The following OTUB2 variants were observed in gnomAD, a reference collection of about 807,000 sequenced individuals.
The protein encoded by OTUB2 is ubiquitin thioesterase OTUB2.
In OTUB2, 21 loss-of-function variants were observed where a neutral mutation model predicts 25.1. The ratio of observed to expected loss-of-function variants is 0.84; its 90% CI spans 0.59 to 1.21. The LOEUF (loss-of-function observed/expected upper bound fraction) is 1.21. OTUB2 is among the 50% of genes most tolerant of loss of function. OTUB2 has a pLI of 0.00. For synonymous variants in OTUB2, 122 were observed against 122.8 expected, an observed-to-expected ratio of 0.99 and a Z score of 0.04; for missense variants, 283 against 298.0, an observed-to-expected ratio of 0.95 and a Z score of 0.37.
At position 94,038,958 on chromosome 14, in the gene OTUB2, C is replaced by T. The variant is rs1365906557; in HGVS notation, c.100-5C>T. On this transcript the variant is annotated splice_region_variant and splice_polypyrimidine_tract_variant and intron_variant, in intron 2 of 5. Coordinates refer to ENST00000203664, the MANE Select transcript of OTUB2 (RefSeq NM_023112.4). ...AATGCCCACATTTCTTTCTGTCCCC[C>T]TCAGGAACTCAGCAAAAGGTTCACC... 3.7e-6 allele frequency: 6 copies of T among 1,613,818 alleles called. No individual in the cohort carries two copies. In the South Asian group the frequency reaches 5.5e-5, roughly 15 times the overall value.
intron 1 of OTUB2, among the ~76,000 whole-genome samples, chr14:94,030,330 C>T (rs959472170): frequency 1.4e-5 from 2 of 146,892 alleles, no homozygotes; most frequent in Admixed American, 6.8e-5. Context: ...GGATGGGGAG[C>T]TGGAGAAGCC....
In OTUB2 at chr14:94,046,046, A is replaced by C; in HGVS notation, c.*124A>C. 2.6e-6 allele frequency: 3 copies of C among 1,140,958 alleles called. No individual in the cohort carries two copies. The South Asian group carries it at 4.2e-5, about 16-fold the overall frequency. 70.7% of individuals were successfully genotyped at this position (1,140,958 alleles called of 1,614,324 possible). A position where few individuals can be genotyped will look rare whatever the true frequency, so the allele number is the denominator to read the frequency against. On this transcript the variant is annotated 3_prime_UTR_variant, in exon 6 of 6. Transcript: ENST00000203664. ...CAAGAAAATGTGCAGCCTTTTGGGC[A>C]AAGCCCCTGGGAACGAGGCCTATCC... is the stretch of plus-strand genomic sequence containing the variant.
chr14:94,037,181 G>A (rs10138600), intron 1 of OTUB2, among the ~76,000 whole-genome samples, 199 bp from the exon 2 acceptor site: 23,715 of 152,080 alleles, frequency 0.16, 2,234 homozygotes, highest in African/African-American at 0.26. Context: ...CGATGGCCCC[G>A]ACCCTGACTA....
At position 94,045,923 on chromosome 14, in the gene OTUB2, TTAA is replaced by T. The variant is rs1381757815; in HGVS notation, c.*3_*5del. The T allele has an allele frequency of 1.2e-6, 2 of 1,613,910 alleles. No individual in the cohort carries two copies. The highest frequency in any genetic ancestry group is 1.7e-6 in the Non-Finnish European group (2 of 1,179,742). On this transcript the variant is annotated 3_prime_UTR_variant, in exon 6 of 6. Transcript: ENST00000203664. The stretch of plus-strand genomic sequence containing the variant: ...CCTTTATGCAGCCGATAAACATTGA[TTAA>T]TTTTAGGCCATGCAGTGGAACCTGT...
At chr14:94,030,395 A>T (rs1884937221) in intron 1 of OTUB2, among the ~76,000 whole-genome samples, 1 of 151,938 alleles carries the variant, frequency 6.6e-6, no homozygotes, top group Non-Finnish European at 1.5e-5. Context: ...ACGCTAATTC[A>T]GTAATGTTCT....
intron 3 of OTUB2, chr14:94,039,551 T>C (rs1885119546): frequency 6.2e-6 from 1 of 162,058 alleles, no homozygotes; most frequent in Admixed American, 5.8e-5. Context: ...TCATCTCGGC[T>C]AGTTCAGGGC....
At chr14:94,039,751 C>T (rs1473674562) in intron 3 of OTUB2, among the ~76,000 whole-genome samples, 1 of 152,196 alleles carries the variant, frequency 6.6e-6, no homozygotes, top group African/African-American at 2.4e-5. Context: ...CCTCAAACCA[C>T]GCTTTGAGGA....
intron 1 of OTUB2, among the ~76,000 whole-genome samples, chr14:94,030,347 G>T (rs902593337): frequency 6.6e-6 from 1 of 151,950 alleles, no homozygotes; most frequent in Middle Eastern, 3.2e-3. Context: ...AGCCTGTCGG[G>T]GGTGGGGGGC....
chr14:94,035,824 C>A (rs1367318168), intron 1 of OTUB2, among the ~76,000 whole-genome samples: 1 of 152,102 alleles, frequency 6.6e-6, no homozygotes, highest in East Asian at 1.9e-4. Flanking sequence ...TATCTCACCC[C>A]CTTCTCCGTG....
chr14:94,043,942 T>C, intron 3 of OTUB2, 29 bp from the exon 4 acceptor site: 1 of 1,592,282 alleles, frequency 6.3e-7, no homozygotes, highest in Non-Finnish European at 8.6e-7. Context: ...TGTGTTTCCC[T>C]GTAAACACTC....
chr14:94,033,638 A>G (rs1884999609), intron 1 of OTUB2, among the ~76,000 whole-genome samples: 1 of 152,250 alleles, frequency 6.6e-6, no homozygotes. Context: ...TATAAACAAC[A>G]AGGCTTTTAT....
chr14:94,037,815 C>T (rs1885085714), intron 2 of OTUB2, among the ~76,000 whole-genome samples: 1 of 152,210 alleles, frequency 6.6e-6, no homozygotes, highest in South Asian at 2.1e-4. Flanking sequence ...CCATTTAGTT[C>T]ATGAGTGGCC....
chr14:94,046,661 G>A lies in OTUB2; in HGVS notation c.*739G>A, dbSNP rs1885283545. The A allele has an allele frequency of 6.5e-6, 1 of 152,704 alleles. No homozygotes were observed. Among genetic ancestry groups the A allele is most frequent in the Non-Finnish European group, 1.5e-5 (1 of 68,138 alleles). 9.5% of individuals were successfully genotyped at this position (152,704 alleles called of 1,614,324 possible). A position where few individuals can be genotyped will look rare whatever the true frequency, so the allele number is the denominator to read the frequency against. On this transcript the variant is annotated 3_prime_UTR_variant, in exon 6 of 6. Coordinates refer to ENST00000203664, the MANE Select transcript of OTUB2 (RefSeq NM_023112.4). ...CTGCTTTCAGCCCCACCTGGACAGAGGCTTACAAGACTAGGGTCTGGACCA... is the reference window on the plus strand; with the variant it reads ...CTGCTTTCAGCCCCACCTGGACAGAAGCTTACAAGACTAGGGTCTGGACCA...
intron 1 of OTUB2, among the ~76,000 whole-genome samples, chr14:94,033,884 C>A (rs1449858578): frequency 6.6e-6 from 1 of 152,164 alleles, no homozygotes; most frequent in Non-Finnish European, 1.5e-5. Context: ...GTACAACTAG[C>A]AATTGTTATT....
intron 1 of OTUB2, 52 bp downstream of exon 1, chr14:94,026,592 G>T: frequency 8.2e-7 from 1 of 1,217,958 alleles, no homozygotes; most frequent in Non-Finnish European, 1.0e-6. Flanking sequence ...GGCGCGGTGG[G>T]CGGGGTCGCT....
chr14:94,030,805 G>A (rs1884947451), intron 1 of OTUB2, among the ~76,000 whole-genome samples: 1 of 143,906 alleles, frequency 6.9e-6, no homozygotes, highest in Non-Finnish European at 1.5e-5. Context: ...TGAGAGCAAG[G>A]CAGAGTGATG....
At chr14:94,040,929 C>T (rs1039259247) in intron 3 of OTUB2, among the ~76,000 whole-genome samples, 2 of 152,184 alleles carry the variant, frequency 1.3e-5, no homozygotes, top group Non-Finnish European at 2.9e-5. Flanking sequence ...TTGGGCCTTT[C>T]TAAGGACCTT....
intron 1 of OTUB2, among the ~76,000 whole-genome samples, chr14:94,029,947 G>A (rs545046661): frequency 6.6e-6 from 1 of 152,218 alleles, no homozygotes; most frequent in Non-Finnish European, 1.5e-5. Context: ...TCTTGGGAAA[G>A]GCAGAGGAAG....
intron 1 of OTUB2, among the ~76,000 whole-genome samples, chr14:94,028,474 G>C (rs1884903933): frequency 1.3e-5 from 2 of 152,268 alleles, no homozygotes; most frequent in South Asian, 4.1e-4. Context: ...TGGGAAGGTA[G>C]GGGTGAGACA....
Sources: allele counts gnomAD v4.1 joint callset (sites outside exome capture counted in the v4.1 genomes callset), GRCh38; gene constraint gnomAD v4.1.1; transcripts MANE v1.5; gene names NCBI Gene and HGNC (gene_info 2026-07-23, HGNC 2026-07-21).